The following NBEA variants were observed in gnomAD, a reference collection of about 807,000 sequenced individuals.
NBEA encodes the protein lysosomal-trafficking regulator 2.
NBEA carries 44 observed loss-of-function variants against 343.4 expected under a neutral mutation model. The ratio of observed to expected loss-of-function variants is 0.13; its 90% CI spans 0.10 to 0.16. NBEA has a LOEUF of 0.16. Among genes scored for constraint, NBEA ranks in the 10% least tolerant of loss-of-function variants. The pLI is 1.00. For missense variants in NBEA, 2,555 were observed against 3,631.3 expected (o/e 0.70, Z 7.62); for synonymous variants, 1,175 against 1,238.7 (o/e 0.95, Z 1.08).
chr13:35,557,514 G>T (rs774481548), intron 44 of NBEA, among the ~76,000 whole-genome samples: 6 of 152,096 alleles, frequency 3.9e-5, no homozygotes, highest in Non-Finnish European at 8.8e-5. Flanking sequence ...GAATTTAAAA[G>T]CATCTTGCTA....
intron 32 of NBEA, 141 bp from the exon 33 acceptor site, chr13:35,210,912 C>A (rs2073730318): frequency 3.8e-6 from 3 of 786,640 alleles, no homozygotes; most frequent in South Asian, 1.8e-5. Flanking sequence ...AGCATACTTA[C>A]TAATGGCCAA....
intron 24 of NBEA, among the ~76,000 whole-genome samples, chr13:35,168,294 C>G (rs1351415446): frequency 1.3e-5 from 2 of 151,372 alleles, no homozygotes; most frequent in African/African-American, 4.8e-5. Context: ...AAAACTAATT[C>G]TATCTGATAT....
At chr13:35,223,155 G>A (rs542414993) in intron 33 of NBEA, among the ~76,000 whole-genome samples, 28 of 152,104 alleles carry the variant, frequency 1.8e-4, no homozygotes, top group Admixed American at 1.3e-3. Flanking sequence ...AAAATAAACA[G>A]TACACTGCTA....
At chr13:35,342,411 C>T (rs898432405) in intron 36 of NBEA, among the ~76,000 whole-genome samples, 9 of 151,870 alleles carry the variant, frequency 5.9e-5, no homozygotes, top group African/African-American at 1.2e-4. Context: ...GAACTTTTAG[C>T]GATAACCATA....
chr13:35,274,965 A>C (rs915802480), intron 34 of NBEA, among the ~76,000 whole-genome samples: 2 of 152,226 alleles, frequency 1.3e-5, no homozygotes, highest in Non-Finnish European at 2.9e-5. Context: ...TATTACCATC[A>C]AACTACCACT....
chr13:35,574,152 C>A (rs1274401485), intron 45 of NBEA, among the ~76,000 whole-genome samples: 1 of 151,754 alleles, frequency 6.6e-6, no homozygotes, highest in Non-Finnish European at 1.5e-5. Flanking sequence ...TTATTATATG[C>A]CAGGCATTGT....
chr13:35,036,626 G>A (rs2062452486), intron 1 of NBEA, among the ~76,000 whole-genome samples: 1 of 152,018 alleles, frequency 6.6e-6, no homozygotes, highest in Non-Finnish European at 1.5e-5. Context: ...GTTTGGTAAA[G>A]TCTTTATTTC....
In NBEA at chr13:35,161,879, A is replaced by G. The variant is rs2069590421; in HGVS notation, c.3991A>G (p.Ile1331Val). 6.3e-7 allele frequency: 1 copy of G among 1,595,146 alleles called. No individual in the cohort carries two copies. Among genetic ancestry groups the G allele is most frequent in the Non-Finnish European group, 8.5e-7 (1 of 1,170,556 alleles). The change falls in exon 23 of 59, where the codon ATT becomes GTT. Residue 1331 changes from isoleucine to valine, a missense_variant. Ile to Val is a conservative substitution (Grantham distance 29). Coordinates refer to ENST00000379939, the MANE Select transcript of NBEA (RefSeq NM_001385012.1). ...AGGTCCACGGACTACAATGTTTCGT[A>G]TTCCTGAGTTTAAATGGTCTCCAAT... is the stretch of plus-strand genomic sequence containing the variant. The part of the protein sequence containing the change: ...SPGPRTTMFR[I>V]PEFKWSPMHQ...
chr13:35,561,805 A>G (rs1156273762), intron 44 of NBEA, among the ~76,000 whole-genome samples: 2 of 152,156 alleles, frequency 1.3e-5, no homozygotes. Flanking sequence ...TTGTAAAGAT[A>G]CTTTACATAG....
chr13:35,445,517 G>A (rs1323612670), intron 39 of NBEA, among the ~76,000 whole-genome samples: 3 of 151,438 alleles, frequency 2.0e-5, no homozygotes, highest in Admixed American at 6.6e-5. Flanking sequence ...ATATTAGTGG[G>A]GAACAATAAC....
At chr13:35,546,621 C>T (rs147082341) in intron 41 of NBEA, among the ~76,000 whole-genome samples, 2,619 of 150,902 alleles carry the variant, frequency 0.017, 35 homozygotes, top group Middle Eastern at 0.048. Flanking sequence ...GGCATGATCT[C>T]GGCTCACTAC....
intron 41 of NBEA, among the ~76,000 whole-genome samples, chr13:35,487,569 T>C (rs2076347657): frequency 6.6e-6 from 1 of 151,838 alleles, no homozygotes; most frequent in Admixed American, 6.6e-5. Flanking sequence ...TAGCCAGAGG[T>C]GGTTATCTAA....
intron 17 of NBEA, among the ~76,000 whole-genome samples, chr13:35,141,651 T>A (rs73167774): frequency 1.5e-3 from 236 of 152,332 alleles, no homozygotes; most frequent in Non-Finnish European, 2.9e-3. Context: ...AGGCCTTTAA[T>A]GGAACCTTCT....
At chr13:35,087,165 T>C (rs2064816780) in intron 10 of NBEA, among the ~76,000 whole-genome samples, 1 of 151,878 alleles carries the variant, frequency 6.6e-6, no homozygotes, top group Non-Finnish European at 1.5e-5. Flanking sequence ...ATAGTCTCAT[T>C]TGTCTATTTT....
chr13:35,414,338 G>C (rs905608646), intron 38 of NBEA, among the ~76,000 whole-genome samples: 1 of 151,854 alleles, frequency 6.6e-6, no homozygotes, highest in South Asian at 2.1e-4. Context: ...TCGTTAACTC[G>C]TCATTTACAT....
At chr13:35,058,495 A>G (rs1483604839) in intron 7 of NBEA, among the ~76,000 whole-genome samples, 1 of 152,058 alleles carries the variant, frequency 6.6e-6, no homozygotes, top group African/African-American at 2.4e-5. Context: ...GTAGGTGGCT[A>G]TTGTTTGTTT....
intron 41 of NBEA, among the ~76,000 whole-genome samples, chr13:35,545,462 T>A (rs2079022569): frequency 6.6e-6 from 1 of 152,182 alleles, no homozygotes; most frequent in Non-Finnish European, 1.5e-5. Flanking sequence ...TGGGGTATAG[T>A]CCAAGGAAGC....
At chr13:35,077,159 A>G (rs1347414279) in intron 10 of NBEA, among the ~76,000 whole-genome samples, 1 of 152,094 alleles carries the variant, frequency 6.6e-6, no homozygotes, top group Admixed American at 6.6e-5. Context: ...TAGCTAACTT[A>G]GTATTATAAT....
intron 34 of NBEA, among the ~76,000 whole-genome samples, chr13:35,247,389 C>A (rs976842280): frequency 5.9e-5 from 9 of 152,168 alleles, no homozygotes. Flanking sequence ...TGGCAGCCCT[C>A]CCCAAAGACC....
Sources: allele counts gnomAD v4.1 joint callset (sites outside exome capture counted in the v4.1 genomes callset), GRCh38; gene constraint gnomAD v4.1.1; transcripts MANE v1.5; gene names NCBI Gene and HGNC (gene_info 2026-07-23, HGNC 2026-07-21).